The following SMAGP variants were observed in gnomAD, a reference collection of about 807,000 sequenced individuals.
The protein encoded by SMAGP is small cell adhesion glycoprotein, also known as small cell transmembrane and glycosylated protein.
In SMAGP, 7 loss-of-function variants were observed where a neutral mutation model predicts 10.1. The ratio of observed to expected loss-of-function variants is 0.70; its 90% CI spans 0.40 to 1.31. The LOEUF is 1.31. Ranked by LOEUF, SMAGP falls within the 50% of genes most tolerant of loss-of-function variation. The probability of loss-of-function intolerance (pLI) is 0.01; values close to 1 mark genes in which losing one functional copy is unlikely to be tolerated. For synonymous variants in SMAGP, 49 were observed against 47.2 expected, an observed-to-expected ratio of 1.04 and a Z score of -0.16; for missense variants, 113 against 116.5, an observed-to-expected ratio of 0.97 and a Z score of 0.14.
Position 51,252,535 on chromosome 12 carries a change from G to A in SMAGP, c.35-5704C>T, listed in dbSNP as rs192342306. Among the ~76,000 whole-genome samples the A allele has an allele frequency of 5.9e-5, 9 of 152,098 alleles. No individual in the cohort carries two copies. The East Asian group carries it at 1.2e-3, about 20-fold the overall frequency. On this transcript the variant is annotated intron_variant, in intron 2 of 3. Coordinates refer to ENST00000603798, the MANE Select transcript of SMAGP (RefSeq NM_001031628.2). ...GCCTCCCAAGTAGCTGGAATTACAG[G>A]CATGTGCCACCACACCCGGCTAATT... is the stretch of plus-strand genomic sequence containing the variant.
chr12:51,247,479 C>A lies in SMAGP; in HGVS notation c.35-648G>T, dbSNP rs555589163. ...CTACCCTAAAATAGATCCTGCACCC[C>A]CTCCTGCTACGGGTTTATTTATCCT... On this transcript the variant is annotated intron_variant, in intron 2 of 3. Coordinates refer to ENST00000603798, the MANE Select transcript of SMAGP (RefSeq NM_001031628.2). Among the ~76,000 whole-genome samples, 125 of 152,270 alleles carry A rather than the reference C, an allele frequency of 8.2e-4. 1 individual carries two copies. Among genetic ancestry groups the A allele is most frequent in the Middle Eastern group, 3.4e-3 (1 of 292 alleles).
At chr12:51,266,899 T>A (rs1944979177) in intron 2 of SMAGP, among the ~76,000 whole-genome samples, 1 of 152,182 alleles carries the variant, frequency 6.6e-6, no homozygotes, top group Non-Finnish European at 1.5e-5. Context: ...GCAGATCACT[T>A]GAGGCCAGGA....
At chr12:51,268,338 G>A (rs1208930770) in intron 2 of SMAGP, among the ~76,000 whole-genome samples, 1 of 151,838 alleles carries the variant, frequency 6.6e-6, no homozygotes, top group Non-Finnish European at 1.5e-5. Context: ...TAAATCATAA[G>A]ATAGGTACTA....
intron 2 of SMAGP, among the ~76,000 whole-genome samples, chr12:51,254,744 G>A (rs768764385): frequency 3.9e-5 from 6 of 152,168 alleles, no homozygotes; most frequent in Non-Finnish European, 7.4e-5. Context: ...GGTAAGGGAG[G>A]CAGTCATGCA....
intron 2 of SMAGP, among the ~76,000 whole-genome samples, chr12:51,258,358 G>A (rs1944903649): frequency 6.6e-6 from 1 of 152,106 alleles, no homozygotes; most frequent in African/African-American, 2.4e-5. Context: ...GAGGGCAGGT[G>A]GATCACCTAA....
chr12:51,246,216 T>C, intron 3 of SMAGP, 97 bp from the exon 4 acceptor site: 1 of 1,516,168 alleles, frequency 6.6e-7, no homozygotes, highest in South Asian at 1.3e-5. Context: ...TTCGTAAAGA[T>C]CCTCTTGTTT....
Position 51,246,826 on chromosome 12 carries a change from G to A in SMAGP, c.40C>T (p.Leu14=). Residue 14 remains leucine (L), a synonymous_variant, in exon 3 of 4, where the codon CTG becomes TTG. Coordinates refer to ENST00000603798, the MANE Select transcript of SMAGP (RefSeq NM_001031628.2). The part of the protein sequence containing the change: ...LLTTPSPREE[L]MTTPILQPTE... ...GGCTGTAAAATTGGGGTGGTCATCA[G>A]TTCTTCTGGAAAATGTAGAAAAGTG... 1 of 1,571,900 alleles carries A rather than the reference G, an allele frequency of 6.4e-7. No homozygotes were observed. The highest frequency in any genetic ancestry group is 1.4e-5 in the African/African-American group (1 of 73,850).
chr12:51,253,349 A>C (rs965272467), intron 2 of SMAGP, among the ~76,000 whole-genome samples: 1 of 152,110 alleles, frequency 6.6e-6, no homozygotes, highest in African/African-American at 2.4e-5. Context: ...CTTACCTTTA[A>C]AGTTCCTGCC....
At chr12:51,253,441 G>T (rs1048227391) in intron 2 of SMAGP, 3 of 152,098 alleles carry the variant, frequency 2.0e-5, no homozygotes, top group Non-Finnish European at 4.4e-5. Flanking sequence ...ATACCCAAAA[G>T]AAATGAATGG....
intron 2 of SMAGP, among the ~76,000 whole-genome samples, chr12:51,250,122 C>A (rs1286090536): frequency 6.7e-6 from 1 of 149,172 alleles, no homozygotes. Flanking sequence ...GTAATCCCAG[C>A]ACTTTGGGAG....
intron 2 of SMAGP, among the ~76,000 whole-genome samples, chr12:51,254,814 C>G (rs1057087923): frequency 6.6e-6 from 1 of 152,034 alleles, no homozygotes; most frequent in Non-Finnish European, 1.5e-5. Context: ...GAGGGCTGTC[C>G]ACAGCACTGA....
intron 2 of SMAGP, among the ~76,000 whole-genome samples, chr12:51,262,137 T>C (rs1430391043): frequency 6.6e-6 from 1 of 151,916 alleles, no homozygotes; most frequent in East Asian, 1.9e-4. Flanking sequence ...TGTTTGTACA[T>C]AGAAAAGGTC....
intron 2 of SMAGP, among the ~76,000 whole-genome samples, chr12:51,265,752 G>A (rs969724636): frequency 1.3e-5 from 2 of 152,110 alleles, no homozygotes; most frequent in Non-Finnish European, 2.9e-5. Context: ...GGAAGGTAAA[G>A]TTCTGGAGAT....
rs56881497 is a variant in SMAGP, at chr12:51,250,993, C to T, written c.35-4162G>A. ...CCAGGGCTGCAATCCATCTTCCTAC[C>T]ATGGATCTAGAGTTCTATACAGTTG... On this transcript the variant is annotated intron_variant, in intron 2 of 3. Coordinates refer to ENST00000603798, the MANE Select transcript of SMAGP (RefSeq NM_001031628.2). 0.014 allele frequency among the ~76,000 whole-genome samples: 2,089 copies of T among 152,284 alleles called. 84 individuals carry two copies. In the East Asian group the frequency reaches 0.15, roughly 11 times the overall value.
intron 2 of SMAGP, among the ~76,000 whole-genome samples, chr12:51,261,377 G>A (rs913972348): frequency 1.3e-5 from 2 of 152,112 alleles, no homozygotes; most frequent in Non-Finnish European, 2.9e-5. Context: ...TTACAGGCAT[G>A]AGCCACCACA....
intron 2 of SMAGP, among the ~76,000 whole-genome samples, chr12:51,252,083 ACT>A (rs1291354940): frequency 1.4e-5 from 2 of 146,582 alleles, no homozygotes; most frequent in African/African-American, 2.5e-5. Flanking sequence ...AAGAAGGCAG[ACT>A]CTACATCAGA....
At position 51,246,085 on chromosome 12, in the gene SMAGP, CGA is replaced by C; in HGVS notation, c.148_149del (p.Ser50GlyfsTer20). ...VITVVFLTLL[S>X]VVILIFFYLY... ...GGTAAAAGAAGATCAAGATCACGAC[CGA>C]GAGCAGGGTGAGGAAGACAACGGTG... is the stretch of plus-strand genomic sequence containing the variant. On this transcript the variant is annotated frameshift_variant, in exon 4 of 4. Coordinates refer to ENST00000603798, the MANE Select transcript of SMAGP (RefSeq NM_001031628.2). LOFTEE classifies it high-confidence loss of function. 6.2e-7 allele frequency: 1 copy of C among 1,613,756 alleles called. No homozygotes were observed. The highest frequency in any genetic ancestry group is 8.5e-7 in the Non-Finnish European group (1 of 1,179,802).
intron 2 of SMAGP, among the ~76,000 whole-genome samples, chr12:51,265,950 T>C (rs996201137): frequency 5.9e-5 from 9 of 151,942 alleles, no homozygotes; most frequent in Non-Finnish European, 7.4e-5. Flanking sequence ...GGCGTGGTGG[T>C]GGGCGCCTGT....
At chr12:51,266,914 G>T (rs996757402) in intron 2 of SMAGP, among the ~76,000 whole-genome samples, 19 of 152,204 alleles carry the variant, frequency 1.2e-4, no homozygotes, top group Non-Finnish European at 2.6e-4. Context: ...CCAGGAGTTT[G>T]AGACCAGCCT....
Sources: gnomAD v4.1 joint callset for allele counts (sites outside exome capture counted in the v4.1 genomes callset) on GRCh38, gnomAD v4.1.1 for gene constraint, MANE v1.5 for transcripts, NCBI Gene and HGNC (gene_info 2026-07-23, HGNC 2026-07-21) for gene names.